USP37: variants seen among roughly 807,000 people sequenced by gnomAD.
USP37 encodes ubiquitin specific peptidase 37.
Under a neutral mutation model 124.0 loss-of-function variants are expected in USP37, and 27 were observed. The ratio of observed to expected loss-of-function variants is 0.22; its 90% CI spans 0.16 to 0.30. USP37 has a LOEUF of 0.30. Ranked by LOEUF, USP37 falls within the 10% of genes least tolerant of loss-of-function variation. USP37 has a pLI of 1.00. For synonymous variants in USP37, 365 were observed against 388.0 expected (o/e 0.94, Z 0.70); for missense variants, 889 against 1,140.4 (o/e 0.78, Z 3.17).
chr2:218,553,443 G>A, intron 5 of USP37, 110 bp downstream of exon 5: 1 of 943,122 alleles, frequency 1.1e-6, no homozygotes, highest in Non-Finnish European at 1.5e-6. Flanking sequence ...ATTTGCTCAT[G>A]GTGTATAATC....
At chr2:218,565,324 G>A (rs541421207) in intron 1 of USP37, among the ~76,000 whole-genome samples, 34 of 152,218 alleles carry the variant, frequency 2.2e-4, no homozygotes, top group South Asian at 1.7e-3. Flanking sequence ...AAGATTAACC[G>A]GTTGTTAAAA....
rs35321679 is a variant in USP37 at position 218,543,501 on chromosome 2, C to CA, written c.680+2719dup. On this transcript the variant is annotated intron_variant, in intron 8 of 25. Coordinates refer to ENST00000258399, the MANE Select transcript of USP37 (RefSeq NM_020935.3). ...TGGGCGACAGTGCATGACTCCGTCTCAAAAAAAAAAAAAAAAAAAAAAAAA... is the reference window on the plus strand; with the variant it reads ...TGGGCGACAGTGCATGACTCCGTCTCAAAAAAAAAAAAAAAAAAAAAAAAAA... Among the ~76,000 whole-genome samples the CA allele has an allele frequency of 2.8e-3, 103 of 36,956 alleles. 13 individuals are homozygous for CA. The highest frequency in any genetic ancestry group is 6.4e-3 in the South Asian group (3 of 472). The allele number at this position is 36,956 out of a possible 152,430, so 24.2% of individuals were successfully genotyped here.
chr2:218,562,998 T>C (rs541134116), intron 1 of USP37, among the ~76,000 whole-genome samples, 185 bp from the exon 2 acceptor site: 25 of 151,910 alleles, frequency 1.6e-4, no homozygotes, highest in Non-Finnish European at 1.6e-4. Flanking sequence ...ACCCCGTCTC[T>C]ACTAAAAATA....
At position 218,556,503 on chromosome 2, in the gene USP37, G is replaced by GTTTTTTTT. The variant is rs34907421; in HGVS notation, c.156+1987_156+1994dup. On this transcript the variant is annotated intron_variant, in intron 4 of 25. Transcript: ENST00000258399. ...GTATTTGGTTACTCTGGGTTTTTCT[G>GTTTTTTTT]TTTTTTTTTTTTTTTTTTTTTTTTT... is the stretch of plus-strand genomic sequence containing the variant. Among the ~76,000 whole-genome samples, 156 of 53,830 alleles carry GTTTTTTTT rather than the reference G, an allele frequency of 2.9e-3. 8 individuals are homozygous for GTTTTTTTT. Among genetic ancestry groups the GTTTTTTTT allele is most frequent in the Non-Finnish European group, 4.1e-3 (113 of 27,404 alleles). 35.3% of individuals were successfully genotyped at this position (53,830 alleles called of 152,430 possible).
chr2:218,548,342 A>ATTTG (rs1289578098), intron 6 of USP37, among the ~76,000 whole-genome samples: 4 of 152,028 alleles, frequency 2.6e-5, no homozygotes, highest in African/African-American at 9.7e-5. Context: ...AAATATATAT[A>ATTTG]TTACATATAT....
intron 10 of USP37, among the ~76,000 whole-genome samples, chr2:218,510,632 C>T (rs1449681928): frequency 6.6e-6 from 1 of 152,058 alleles, no homozygotes; most frequent in Admixed American, 6.5e-5. Flanking sequence ...AAGGCTATAC[C>T]AGTTTATACT....
chr2:218,515,633 A>G (rs1047368653), intron 10 of USP37, among the ~76,000 whole-genome samples: 1 of 152,232 alleles, frequency 6.6e-6, no homozygotes, highest in African/African-American at 2.4e-5. Context: ...GGACATAGGC[A>G]TGAGCAAAGA....
intron 4 of USP37, 126 bp from the exon 5 acceptor site, chr2:218,553,850 AT>A: frequency 2.9e-6 from 3 of 1,025,988 alleles, no homozygotes; most frequent in Non-Finnish European, 3.9e-6. Context: ...CAGTAATTTA[AT>A]TTTTTTCAAC....
At chr2:218,532,359 G>A (rs1276424167) in intron 9 of USP37, among the ~76,000 whole-genome samples, 6 of 151,798 alleles carry the variant, frequency 4.0e-5, no homozygotes, top group Admixed American at 6.6e-5. Context: ...CCAGCTACTC[G>A]GGAGGCTGAG....
At chr2:218,508,688 G>A (rs945648122) in intron 11 of USP37, among the ~76,000 whole-genome samples, 1 of 152,010 alleles carries the variant, frequency 6.6e-6, no homozygotes, top group Non-Finnish European at 1.5e-5. Flanking sequence ...GAAGAACAAA[G>A]GAAATTAAGC....
intron 7 of USP37, 101 bp downstream of exon 7, chr2:218,546,818 T>C: frequency 1.5e-6 from 2 of 1,330,828 alleles, no homozygotes; most frequent in East Asian, 2.4e-5. Context: ...CTACCAAAAA[T>C]GTACTCTATA....
intron 10 of USP37, among the ~76,000 whole-genome samples, chr2:218,529,741 C>G (rs1417888773): frequency 6.6e-6 from 1 of 152,038 alleles, no homozygotes. Context: ...TCCACCTCAG[C>G]CTCTCAAAGT....
chr2:218,552,381 G>T (rs903749780), intron 5 of USP37, among the ~76,000 whole-genome samples: 46 of 152,246 alleles, frequency 3.0e-4, no homozygotes, highest in African/African-American at 1.1e-3. Context: ...AGACTAATGT[G>T]ATAGTAGAGA....
intron 14 of USP37, among the ~76,000 whole-genome samples, chr2:218,495,411 G>T (rs1013436858): frequency 6.6e-6 from 1 of 152,092 alleles, no homozygotes; most frequent in Non-Finnish European, 1.5e-5. Context: ...CAAATTGTTG[G>T]GATTACAGGC....
intron 5 of USP37, among the ~76,000 whole-genome samples, chr2:218,552,890 C>T (rs1692740559): frequency 6.6e-6 from 1 of 152,080 alleles, no homozygotes; most frequent in African/African-American, 2.4e-5. Context: ...TGCACTCCAG[C>T]CTAGGTGTTA....
At chr2:218,508,499 C>T (rs769736018) in intron 11 of USP37, among the ~76,000 whole-genome samples, 18 of 152,072 alleles carry the variant, frequency 1.2e-4, no homozygotes, top group Non-Finnish European at 2.4e-4. Flanking sequence ...ATAACAGAAA[C>T]CACAAGTAAA....
chr2:218,502,254 CATA>C (rs1424447720), intron 11 of USP37, among the ~76,000 whole-genome samples: 1 of 151,952 alleles, frequency 6.6e-6, no homozygotes, highest in Non-Finnish European at 1.5e-5. Flanking sequence ...AAATCATAAA[CATA>C]ATGAGAGAAG....
intron 9 of USP37, among the ~76,000 whole-genome samples, chr2:218,530,665 G>C (rs544422155): frequency 1.3e-5 from 2 of 152,270 alleles, no homozygotes; most frequent in South Asian, 2.1e-4. Context: ...GCCCAGTCAG[G>C]GAGGCACGTC....
At chr2:218,547,644 G>C (rs1692433081) in intron 6 of USP37, among the ~76,000 whole-genome samples, 1 of 148,410 alleles carries the variant, frequency 6.7e-6, no homozygotes, top group Admixed American at 6.7e-5. Flanking sequence ...CATGGGAACT[G>C]ATCTTTGGAG....
Sources: allele counts gnomAD v4.1 joint callset (sites outside exome capture counted in the v4.1 genomes callset), GRCh38; gene constraint gnomAD v4.1.1; transcripts MANE v1.5; gene names NCBI Gene and HGNC (gene_info 2026-07-23, HGNC 2026-07-21).